The following ARFGEF1 variants were observed in gnomAD, a reference collection of about 807,000 sequenced individuals.
ARFGEF1 encodes ARF guanine nucleotide exchange factor 1, also known as brefeldin A-inhibited guanine nucleotide-exchange protein 1.
A neutral mutation model predicts 231.0 loss-of-function variants in ARFGEF1; 42 were observed. That is an observed-to-expected ratio of 0.18 (90% confidence interval 0.14 to 0.24). ARFGEF1 has a LOEUF of 0.24. Ranked by LOEUF, ARFGEF1 falls within the 10% of genes least tolerant of loss-of-function variation. The pLI is 1.00. For synonymous variants in ARFGEF1, 710 were observed against 732.3 expected (o/e 0.97, Z 0.49); for missense variants, 1,345 against 2,192.0 (o/e 0.61, Z 7.72).
chr8:67,222,227 ATATGTATGTATGTATG>A (rs35826179), intron 29 of ARFGEF1, among the ~76,000 whole-genome samples: 33 of 115,144 alleles, frequency 2.9e-4, no homozygotes, highest in South Asian at 1.4e-3. Context: ...ATATATATGT[ATATGTATGTATGTATG>A]TATGTATGTA....
At chr8:67,218,354 T>C (rs77794755) in intron 30 of ARFGEF1, among the ~76,000 whole-genome samples, 5,769 of 151,120 alleles carry the variant, frequency 0.038, 156 homozygotes, top group Middle Eastern at 0.079. Context: ...TATTATCCCA[T>C]AACCACCTAT....
chr8:67,318,106 G>A (rs543182483), intron 1 of ARFGEF1, among the ~76,000 whole-genome samples: 2 of 144,126 alleles, frequency 1.4e-5, no homozygotes, highest in East Asian at 2.1e-4. Context: ...GCGTGGTGGC[G>A]GGCGCCTATA....
intron 22 of ARFGEF1, among the ~76,000 whole-genome samples, chr8:67,236,958 T>A (rs1184895215): frequency 6.6e-6 from 1 of 152,224 alleles, no homozygotes; most frequent in African/African-American, 2.4e-5. Flanking sequence ...ATTTCTCGTT[T>A]GACTAAAACT....
At chr8:67,214,112 T>C (rs2129577962) in intron 33 of ARFGEF1, among the ~76,000 whole-genome samples, 1 of 152,318 alleles carries the variant, frequency 6.6e-6, no homozygotes, top group East Asian at 1.9e-4. Flanking sequence ...TCAAATGTAG[T>C]TCTGGTGAGG....
At chr8:67,192,590 T>C (rs1836677773) in intron 5 of ARFGEF1, among the ~76,000 whole-genome samples, 2 of 152,164 alleles carry the variant, frequency 1.3e-5, no homozygotes. Context: ...GTGTCTTAAT[T>C]AAGAAACCAT....
At chr8:67,332,528 A>T (rs148529319) in intron 1 of ARFGEF1, among the ~76,000 whole-genome samples, 144 of 152,336 alleles carry the variant, frequency 9.5e-4, no homozygotes, top group Admixed American at 1.6e-3. Flanking sequence ...GAGAATTAAA[A>T]TTATATTGTA....
At chr8:67,277,804 A>G (rs1470224196) in intron 7 of ARFGEF1, among the ~76,000 whole-genome samples, 1 of 152,196 alleles carries the variant, frequency 6.6e-6, no homozygotes, top group Non-Finnish European at 1.5e-5. Flanking sequence ...CCTCGAAAAA[A>G]TATCTCATTG....
chr8:67,343,151 C>A lies in ARFGEF1; in HGVS notation c.124+13G>T. 6.3e-7 allele frequency: 1 copy of A among 1,595,708 alleles called. No homozygotes were observed. On this transcript the variant is annotated intron_variant, in intron 1 of 38. Transcript: ENST00000262215. ...AACAAGCACCCCATCCCCCGGGCCT[C>A]CTCCCCGCTCACCTAACGCCACCTC... is the stretch of plus-strand genomic sequence containing the variant.
chr8:67,180,016 A>C, intron 5 of ARFGEF1: 1 of 647,082 alleles, frequency 1.5e-6, no homozygotes, highest in Non-Finnish European at 2.6e-6. Context: ...CTTGTTGTAC[A>C]AGGTAGTAAA....
At chr8:67,211,800 C>T (rs981627319) in intron 33 of ARFGEF1, among the ~76,000 whole-genome samples, 185 bp from the exon 34 acceptor site, 1 of 152,198 alleles carries the variant, frequency 6.6e-6, no homozygotes, top group Non-Finnish European at 1.5e-5. Context: ...AGTTGACTTT[C>T]TGACCCTCAC....
intron 1 of ARFGEF1, among the ~76,000 whole-genome samples, chr8:67,311,218 G>A (rs1369189350): frequency 1.1e-3 from 158 of 141,162 alleles, no homozygotes; most frequent in Middle Eastern, 4.3e-3. Context: ...CTGGCCAGCC[G>A]CCCCGTCCGG....
chr8:67,189,319 C>T (rs556892786), intron 5 of ARFGEF1, among the ~76,000 whole-genome samples: 1 of 152,194 alleles, frequency 6.6e-6, no homozygotes, highest in East Asian at 1.9e-4. Flanking sequence ...CACACAGATA[C>T]TTATAGCACC....
At chr8:67,296,658 T>TA in intron 4 of ARFGEF1, 48 bp from the exon 5 acceptor site, 1 of 1,468,008 alleles carries the variant, frequency 6.8e-7, no homozygotes, top group South Asian at 1.3e-5. Flanking sequence ...CTTTTTCTTT[T>TA]TTTTTTTGGA....
chr8:67,310,943 GC>G (rs1806989852), intron 1 of ARFGEF1, among the ~76,000 whole-genome samples: 1 of 142,622 alleles, frequency 7.0e-6, no homozygotes, highest in Non-Finnish European at 1.5e-5. Context: ...CCGCCCGGCA[GC>G]CACCCCGTCC....
At chr8:67,243,825 A>G (rs2128880659) in intron 19 of ARFGEF1, among the ~76,000 whole-genome samples, 1 of 152,338 alleles carries the variant, frequency 6.6e-6, no homozygotes, top group East Asian at 1.9e-4. Flanking sequence ...AGAGAATTCA[A>G]AAGAGCTGTT....
chr8:67,302,967 A>G (rs115190722), intron 1 of ARFGEF1, among the ~76,000 whole-genome samples: 2,356 of 151,282 alleles, frequency 0.016, 64 homozygotes, highest in African/African-American at 0.055. Flanking sequence ...GTGTATGCCT[A>G]CAGTCCTAGC....
At chr8:67,214,649 G>A (rs998860343) in intron 33 of ARFGEF1, among the ~76,000 whole-genome samples, 3 of 152,176 alleles carry the variant, frequency 2.0e-5, no homozygotes, top group African/African-American at 4.8e-5. Flanking sequence ...CATCTCAGCA[G>A]AAGCCAGGAA....
In ARFGEF1 at chr8:67,227,215, A is replaced by C. The variant is rs955757386; in HGVS notation, c.3838T>G (p.Ser1280Ala). The stretch of plus-strand genomic sequence containing the variant: ...TCAGATGCAGCTAGATGAAATACAG[A>C]GAAAATGTTCTTCCATCCAGATCGA... ...NIRSGWKNIFSVFHLAASDQD... is the reference protein window; with the variant it reads ...NIRSGWKNIFAVFHLAASDQD... The change falls in exon 27 of 39, where the codon TCT becomes GCT. Residue 1280 changes from serine (S) to alanine (A), a missense_variant. Around this residue, in one of 14 missense-constraint regions of ARFGEF1, gnomAD observed 142 missense variants for 227.3 expected, o/e 0.62. Coordinates refer to ENST00000262215, the MANE Select transcript of ARFGEF1 (RefSeq NM_006421.5). The C allele has an allele frequency of 9.9e-6, 16 of 1,613,210 alleles. No individual in the cohort carries two copies. The highest frequency in any genetic ancestry group is 1.2e-5 in the Non-Finnish European group (14 of 1,179,296).
At chr8:67,236,361 AAAAAATATATAT>A (rs1312766174) in intron 22 of ARFGEF1, among the ~76,000 whole-genome samples, 4 of 42,060 alleles carry the variant, frequency 9.5e-5, no homozygotes, top group South Asian at 9.1e-4. Context: ...AAAAAAAAAA[AAAAAATATATAT>A]ATATATATAT....
Sources: allele counts gnomAD v4.1 joint callset (sites outside exome capture counted in the v4.1 genomes callset), GRCh38; gene constraint gnomAD v4.1.1; regional missense constraint gnomAD v4.1.1; transcripts MANE v1.5; gene names NCBI Gene and HGNC (gene_info 2026-07-23, HGNC 2026-07-21).